RAB40A: variants seen among roughly 807,000 people sequenced by gnomAD.
The protein encoded by RAB40A is ras-related protein Rab-40A.
For missense variants in RAB40A, 145 were observed against 230.2 expected, an observed-to-expected ratio of 0.63 and a Z score of 2.40; for synonymous variants, 65 against 99.9, an observed-to-expected ratio of 0.65 and a Z score of 2.08.
At chrX:103,493,285 T>C in the RAB40A span, among the ~76,000 whole-genome samples, 25 of 110,781 alleles carry the variant, frequency 2.3e-4, no homozygotes, top group African/African-American at 8.1e-4. Context: ...TTAAAATCTT[T>C]TATTTTTAAT....
At chrX:103,514,078 A>G (rs2073304687) in intron 2 of RAB40A, among the ~76,000 whole-genome samples, 1 of 111,821 alleles carries the variant, frequency 8.9e-6, no homozygotes, top group Non-Finnish European at 1.9e-5. Flanking sequence ...CTGGTTTAGT[A>G]GCTCTGAAAG....
At chrX:103,504,462 C>G (rs1030559431) in intron 2 of RAB40A, among the ~76,000 whole-genome samples, 3 of 111,753 alleles carry the variant, frequency 2.7e-5, no homozygotes, top group South Asian at 7.4e-4. Flanking sequence ...CACTATGCCT[C>G]TTTCTTTCAG....
chrX:103,501,141 G>A (rs1262691339), intron 2 of RAB40A: 2 of 179,777 alleles, frequency 1.1e-5, no homozygotes, highest in Admixed American at 7.2e-5. Flanking sequence ...AGTACTGTAC[G>A]TACCCTATGC....
At chrX:103,515,814 T>A (rs2073313986) in intron 2 of RAB40A, among the ~76,000 whole-genome samples, 1 of 111,592 alleles carries the variant, frequency 9.0e-6, no homozygotes, top group Non-Finnish European at 1.9e-5. Context: ...TGAAACAACA[T>A]CCCTGTTAAA....
chrX:103,518,559 A>G (rs2073327382), intron 1 of RAB40A, among the ~76,000 whole-genome samples: 1 of 111,501 alleles, frequency 9.0e-6, no homozygotes, highest in Admixed American at 9.6e-5. Flanking sequence ...AAGACTCAGA[A>G]GCCAAGCTTA....
chrX:103,505,399 A>G (rs779795674), intron 2 of RAB40A, among the ~76,000 whole-genome samples: 25 of 111,954 alleles, frequency 2.2e-4, no homozygotes, highest in African/African-American at 8.1e-4. Context: ...GTATGCATAT[A>G]GTTAGCTTTA....
chrX:103,500,501 C>T lies in RAB40A; in HGVS notation c.256G>A (p.Gly86Ser), dbSNP rs373230359. Residue 86 changes from glycine to serine, a missense_variant, in exon 3 of 3, where the codon GGT (glycine) becomes AGT (serine). Gly to Ser is a moderately conservative substitution (Grantham distance 56). Coordinates refer to ENST00000304236, the MANE Select transcript of RAB40A (RefSeq NM_080879.3). ...FCTIFRSYSRGAQGVILVYDI... is the reference protein window; with the variant it reads ...FCTIFRSYSRSAQGVILVYDI... ...TAGACCAGGATCACTCCTTGTGCAC[C>T]ACGAGAGTAGGAGCGGAATATGGTA... 55 of 1,208,866 alleles carry T rather than the reference C, an allele frequency of 4.5e-5. No homozygotes were observed. Among genetic ancestry groups the T allele is most frequent in the Admixed American group, 6.6e-5 (3 of 45,712 alleles).
At chrX:103,503,572 T>TAAAAAA in intron 2 of RAB40A, 1 of 520,660 alleles carries the variant, frequency 1.9e-6, no homozygotes, top group Non-Finnish European at 2.3e-6. Flanking sequence ...TGTCCTCCTT[T>TAAAAAA]AAAAAAAAAA....
chrX:103,501,270 T>G (rs2073226162), intron 2 of RAB40A: 1 of 126,721 alleles, frequency 7.9e-6, no homozygotes, highest in African/African-American at 3.2e-5. Flanking sequence ...ATGTAATTTT[T>G]TAAAACATTG....
chrX:103,514,773 T>C (rs2073308153), intron 2 of RAB40A, among the ~76,000 whole-genome samples: 1 of 112,284 alleles, frequency 8.9e-6, no homozygotes, highest in Non-Finnish European at 1.9e-5. Context: ...AATGTTTCTA[T>C]GACTAGTTCT....
downstream of RAB40A, among the ~76,000 whole-genome samples, chrX:103,498,148 T>G (rs2147571105): frequency 9.0e-6 from 1 of 111,366 alleles, no homozygotes; most frequent in African/African-American, 3.3e-5. Flanking sequence ...CTTTCAAGGT[T>G]GATTTGGTAA....
chrX:103,514,633 G>A (rs2073307446), intron 2 of RAB40A, among the ~76,000 whole-genome samples: 1 of 111,901 alleles, frequency 8.9e-6, no homozygotes, highest in Admixed American at 9.5e-5. Flanking sequence ...TTACAGGTGT[G>A]AGCCACTGCA....
At chrX:103,509,936 G>C (rs1250911979) in intron 2 of RAB40A, among the ~76,000 whole-genome samples, 1 of 109,646 alleles carries the variant, frequency 9.1e-6, no homozygotes. Flanking sequence ...CTCCTGAGTA[G>C]CTGGGATTAC....
At chrX:103,496,058 C>T (rs1273321855), downstream of RAB40A, among the ~76,000 whole-genome samples, 1 of 111,820 alleles carries the variant, frequency 8.9e-6, no homozygotes, top group Non-Finnish European at 1.9e-5. Context: ...GTGATGTTAA[C>T]CTTCATCACT....
chrX:103,505,945 C>A (rs2073252495), intron 2 of RAB40A, among the ~76,000 whole-genome samples: 1 of 111,639 alleles, frequency 9.0e-6, no homozygotes, highest in African/African-American at 3.3e-5. Flanking sequence ...ATTTAGGTAG[C>A]ATACTTAAAA....
At chrX:103,504,439 A>G (rs2073244267) in intron 2 of RAB40A, among the ~76,000 whole-genome samples, 1 of 111,974 alleles carries the variant, frequency 8.9e-6, no homozygotes, top group Non-Finnish European at 1.9e-5. Flanking sequence ...TGGGTACATC[A>G]TTTTTTAAAA....
chrX:103,516,918 A>T (rs1211647228), intron 2 of RAB40A, among the ~76,000 whole-genome samples: 12 of 111,767 alleles, frequency 1.1e-4, no homozygotes, highest in Non-Finnish European at 1.5e-4. Context: ...GATATAATCT[A>T]ACTTTGCTTT....
At chrX:103,501,226 T>C (rs1480462706) in intron 2 of RAB40A, 1 of 127,306 alleles carries the variant, frequency 7.9e-6, no homozygotes, top group African/African-American at 3.2e-5. Context: ...TTGTTTCCAT[T>C]TTACAAATGA....
At chrX:103,494,877 TC>T (rs766172295), downstream of RAB40A, among the ~76,000 whole-genome samples, 603 of 111,927 alleles carry the variant, frequency 5.4e-3, 3 homozygotes, top group African/African-American at 0.019. Flanking sequence ...TTCTTTTTGC[TC>T]AAGATAGCTT....
Sources: allele counts gnomAD v4.1 joint callset (sites outside exome capture counted in the v4.1 genomes callset), GRCh38; gene constraint gnomAD v4.1.1; transcripts MANE v1.5; gene names NCBI Gene and HGNC (gene_info 2026-07-23, HGNC 2026-07-21).